Variants in GRIK1 observed in about 807,000 individuals in gnomAD.
GRIK1 encodes glutamate ionotropic receptor kainate type subunit 1.
In GRIK1, 69 loss-of-function variants were observed where a neutral mutation model predicts 105.7. That is an observed-to-expected ratio of 0.65 (90% CI 0.54 to 0.80). GRIK1 has a LOEUF of 0.80. GRIK1 is among the 30% of genes least tolerant of loss of function. The pLI, the probability that GRIK1 is intolerant of heterozygous loss-of-function variation, is 0.00. For synonymous variants in GRIK1, 438 were observed against 431.3 expected (o/e 1.02, Z -0.19); for missense variants, 1,109 against 1,167.3 (o/e 0.95, Z 0.73).
intron 10 of GRIK1, 131 bp downstream of exon 10, chr21:29,590,980 CT>C (rs35880785): frequency 2.9e-6 from 2 of 695,592 alleles, no homozygotes; most frequent in Non-Finnish European, 5.3e-6. Flanking sequence ...CAAACACAGG[CT>C]TTTAGTGTCC....
chr21:29,548,827 C>T (rs148503115), intron 16 of GRIK1, among the ~76,000 whole-genome samples: 17 of 152,272 alleles, frequency 1.1e-4, no homozygotes, highest in African/African-American at 4.1e-4. Flanking sequence ...AAGATTCCTA[C>T]CCACCATGTA....
At chr21:29,760,844 C>T (rs1437752549) in intron 1 of GRIK1, among the ~76,000 whole-genome samples, 2 of 152,164 alleles carry the variant, frequency 1.3e-5, no homozygotes, top group East Asian at 1.9e-4. Flanking sequence ...CAGTGATTCA[C>T]AGCTCATACA....
chr21:29,859,855 A>G (rs1268833458), intron 1 of GRIK1, among the ~76,000 whole-genome samples: 1 of 152,184 alleles, frequency 6.6e-6, no homozygotes, highest in Non-Finnish European at 1.5e-5. Context: ...AGGTATTGTA[A>G]CTTTTGAGTA....
At chr21:29,781,732 G>C (rs1374228027) in intron 1 of GRIK1, among the ~76,000 whole-genome samples, 1 of 100,044 alleles carries the variant, frequency 1.0e-5, no homozygotes, top group Non-Finnish European at 2.3e-5. Flanking sequence ...CTGCAGTGGC[G>C]CAATCTCGGC....
At chr21:29,861,717 A>G in intron 1 of GRIK1, 1 of 434,266 alleles carries the variant, frequency 2.3e-6, no homozygotes, top group Non-Finnish European at 4.6e-6. Flanking sequence ...AATGTATTTG[A>G]TTATATGCAT....
chr21:29,914,686 A>G (rs941990024), intron 1 of GRIK1, among the ~76,000 whole-genome samples: 1 of 152,078 alleles, frequency 6.6e-6, no homozygotes, highest in Non-Finnish European at 1.5e-5. Flanking sequence ...GTCCAACACA[A>G]TGTGTGTCAC....
chr21:29,831,187 A>G (rs1203755604), intron 1 of GRIK1, among the ~76,000 whole-genome samples: 1 of 152,218 alleles, frequency 6.6e-6, no homozygotes, highest in African/African-American at 2.4e-5. Context: ...CCCAACCTTC[A>G]TAAATAAGGA....
At chr21:29,766,907 A>C (rs1203303944) in intron 1 of GRIK1, among the ~76,000 whole-genome samples, 1 of 152,208 alleles carries the variant, frequency 6.6e-6, no homozygotes, top group Non-Finnish European at 1.5e-5. Flanking sequence ...GAAGCTCTTC[A>C]ATTGCATGAA....
chr21:29,781,639 G>GCACCTAA (rs2145779430), intron 1 of GRIK1, among the ~76,000 whole-genome samples: 1 of 142,946 alleles, frequency 7.0e-6, no homozygotes, highest in Non-Finnish European at 1.5e-5. Context: ...TCTTACATGT[G>GCACCTAA]CACCTAACCT....
intron 1 of GRIK1, among the ~76,000 whole-genome samples, chr21:29,830,089 CT>C (rs1447477435): frequency 1.3e-5 from 2 of 152,122 alleles, no homozygotes; most frequent in East Asian, 3.9e-4. Context: ...AAATAGGGTA[CT>C]TTGCTGGCAA....
At chr21:29,771,565 C>T (rs2065813216) in intron 1 of GRIK1, among the ~76,000 whole-genome samples, 1 of 152,128 alleles carries the variant, frequency 6.6e-6, no homozygotes, top group South Asian at 2.1e-4. Flanking sequence ...TTCAGTTTTT[C>T]CTTCTATAAC....
chr21:29,848,779 A>ATATATATATATATATATATATATATATT, intron 1 of GRIK1, among the ~76,000 whole-genome samples: 6 of 77,864 alleles, frequency 7.7e-5, no homozygotes, highest in African/African-American at 2.9e-4. Flanking sequence ...ATATATATAT[A>ATATATATATATATATATATATATATATT]TTTTTTTTTT....
intron 13 of GRIK1, 69 bp from the exon 14 acceptor site, chr21:29,577,250 C>G: frequency 1.2e-6 from 1 of 865,686 alleles, no homozygotes; most frequent in South Asian, 1.4e-5. Context: ...TACAGTTCGA[C>G]ACTATTCTAG....
intron 1 of GRIK1, among the ~76,000 whole-genome samples, chr21:29,752,644 A>G (rs1054373287): frequency 2.6e-5 from 4 of 152,046 alleles, no homozygotes; most frequent in Non-Finnish European, 4.4e-5. Flanking sequence ...TGAGTAACAT[A>G]GTGAGACTCA....
chr21:29,710,663 A>C (rs2064023031), intron 1 of GRIK1, among the ~76,000 whole-genome samples: 1 of 152,002 alleles, frequency 6.6e-6, no homozygotes, highest in Non-Finnish European at 1.5e-5. Flanking sequence ...TCATATACTT[A>C]TTTAAATCAT....
chr21:29,564,315 T>C (rs1000809920), intron 14 of GRIK1, among the ~76,000 whole-genome samples: 1 of 151,944 alleles, frequency 6.6e-6, no homozygotes. Flanking sequence ...ACCCGGCTAA[T>C]TTTTTGTATT....
intron 14 of GRIK1, among the ~76,000 whole-genome samples, chr21:29,567,583 A>G (rs111334817): frequency 7.1e-4 from 108 of 152,308 alleles, no homozygotes; most frequent in African/African-American, 2.4e-3. Context: ...AAATGTAAAT[A>G]TATGCATATA....
rs2061465219 is a variant in GRIK1, at chr21:29,598,845, C to T, written c.1191G>A (p.Glu397=). 2.0e-6 allele frequency: 3 copies of T among 1,472,534 alleles called. No individual in the cohort carries two copies. The highest frequency in any genetic ancestry group is 1.7e-5 in the Admixed American group (1 of 57,410). The allele number at this position is 1,472,534 out of a possible 1,614,324, so 91.2% of individuals were successfully genotyped here. Residue 397 remains glutamate, a synonymous_variant, in exon 8 of 18, where the codon GAG becomes GAA. Transcript: ENST00000327783. ...AGGAGGTTACCTTTTCAGTTCCTTC[C>T]TCTTTGAGACTAATAATGTCCAGAT... The part of the protein sequence containing the change: ...DFDLDIISLK[E]EGTEKAAGEV...
At chr21:29,861,859 C>G (rs2068650876) in intron 1 of GRIK1, among the ~76,000 whole-genome samples, 1 of 152,052 alleles carries the variant, frequency 6.6e-6, no homozygotes, top group Admixed American at 6.6e-5. Context: ...TTGGATTCAG[C>G]TTGCTAATAT....
Sources: gnomAD v4.1 joint callset for allele counts (sites outside exome capture counted in the v4.1 genomes callset) on GRCh38, gnomAD v4.1.1 for gene constraint, MANE v1.5 for transcripts, NCBI Gene and HGNC (gene_info 2026-07-23, HGNC 2026-07-21) for gene names.